CNGB1: variants seen among roughly 807,000 people sequenced by gnomAD.
CNGB1 encodes the protein cyclic nucleotide-gated channel beta-1.
Under a neutral mutation model 151.7 loss-of-function variants are expected in CNGB1, and 126 were observed. The observed-to-expected ratio is 0.83, with a 90% CI of 0.72 to 0.96. CNGB1 has a LOEUF of 0.96. Ranked by LOEUF, CNGB1 falls within the 40% of genes least tolerant of loss-of-function variation. The pLI, the probability that CNGB1 is intolerant of heterozygous loss-of-function variation, is 0.00. For synonymous variants in CNGB1, 623 were observed against 635.1 expected, an observed-to-expected ratio of 0.98 and a Z score of 0.29; for missense variants, 1,698 against 1,627.0, an observed-to-expected ratio of 1.04 and a Z score of -0.75.
At position 57,920,383 on chromosome 16, in the gene CNGB1, T is replaced by C. The variant is rs754623200; in HGVS notation, c.1801+4A>G. ...AGGTAGACCCCCTCCAGCTCCAGAC[T>C]CACAGGGCTTGGGGCTCTCCTCATC... On this transcript the variant is annotated splice_donor_region_variant and intron_variant, in intron 19 of 32. Transcript: ENST00000251102. The C allele has an allele frequency of 6.2e-7, 1 of 1,614,048 alleles. No individual in the cohort carries two copies. Among genetic ancestry groups the C allele is most frequent in the South Asian group, 1.1e-5 (1 of 91,078 alleles).
intron 16 of CNGB1, among the ~76,000 whole-genome samples, chr16:57,933,524 T>C (rs1338062993): frequency 6.6e-6 from 1 of 151,986 alleles, no homozygotes; most frequent in Non-Finnish European, 1.5e-5. Flanking sequence ...CTGCCCCAAG[T>C]CCAAGCTCAG....
Position 57,963,067 on chromosome 16 carries a change from G to A in CNGB1, c.291-3C>T. 1 of 1,609,088 alleles carries A rather than the reference G, an allele frequency of 6.2e-7. No individual in the cohort carries two copies. The highest frequency in any genetic ancestry group is 8.5e-7 in the Non-Finnish European group (1 of 1,177,034). On this transcript the variant is annotated splice_polypyrimidine_tract_variant and splice_region_variant and intron_variant, in intron 4 of 32. Transcript: ENST00000251102. ...AGGTCAGTACCCTGCGGCTGGGACT[G>A]CGATGGACAGAGACACCAGCCCGCC...
At chr16:57,970,964 A>T (rs1410391373) in intron 1 of CNGB1, 96 bp downstream of exon 1, 2 of 152,146 alleles carry the variant, frequency 1.3e-5, no homozygotes, top group East Asian at 3.9e-4. Flanking sequence ...CAGGTTTCCC[A>T]CCGTGCCAGT....
chr16:57,912,909 C>T (rs1337927491), intron 24 of CNGB1, 21 bp downstream of exon 24: 1 of 1,610,092 alleles, frequency 6.2e-7, no homozygotes, highest in African/African-American at 1.3e-5. Context: ...TGCATGCATG[C>T]ACATGCAGGG....
rs760874746 is a variant in CNGB1 at position 57,964,540 on chromosome 16, G to C, written c.164C>G (p.Pro55Arg). 1.9e-6 allele frequency: 3 copies of C among 1,614,122 alleles called. No individual in the cohort carries two copies. The highest frequency in any genetic ancestry group is 4.5e-5 in the East Asian group (2 of 44,876). Reference protein sequence around the residue: ...EAETESESMPPEESFKEEEVA... With the variant: ...EAETESESMPREESFKEEEVA... ...TTCCTCCTCCTTGAATGACTCTTCG[G>C]GGGGCTAGAGGGTTCGAACAGGATC... Residue 55 changes from proline (P) to arginine (R), a missense_variant, in exon 3 of 33, where the codon CCC (proline) becomes CGC (arginine). Transcript: ENST00000251102.
intron 25 of CNGB1, among the ~76,000 whole-genome samples, chr16:57,910,579 G>A (rs367793148): frequency 2.6e-5 from 4 of 151,716 alleles, no homozygotes; most frequent in African/African-American, 4.8e-5. Context: ...TCGCTGTGTC[G>A]GCCAGGCTGG....
At chr16:57,945,885 G>A (rs1961794440) in intron 14 of CNGB1, among the ~76,000 whole-genome samples, 1 of 152,224 alleles carries the variant, frequency 6.6e-6, no homozygotes, top group African/African-American at 2.4e-5. Context: ...GTGATCTGCA[G>A]GGTTATGAAA....
intron 31 of CNGB1, among the ~76,000 whole-genome samples, chr16:57,894,824 G>A (rs1204322555): frequency 1.3e-5 from 2 of 152,082 alleles, no homozygotes; most frequent in Non-Finnish European, 2.9e-5. Context: ...ACAAGAAAAA[G>A]TCAACAAAGA....
intron 14 of CNGB1, among the ~76,000 whole-genome samples, chr16:57,945,734 A>G (rs1374449061): frequency 6.6e-6 from 1 of 152,210 alleles, no homozygotes; most frequent in East Asian, 1.9e-4. Flanking sequence ...CAGTTCTCTC[A>G]TCTGTGAAAT....
At chr16:57,926,054 G>T (rs1961178790) in intron 17 of CNGB1, among the ~76,000 whole-genome samples, 1 of 152,174 alleles carries the variant, frequency 6.6e-6, no homozygotes, top group African/African-American at 2.4e-5. Flanking sequence ...CACAGGCAGG[G>T]AGCTTCACCT....
At chr16:57,897,365 A>G in intron 31 of CNGB1, 32 bp downstream of exon 31, 1 of 1,613,386 alleles carries the variant, frequency 6.2e-7, no homozygotes, top group Non-Finnish European at 8.5e-7. Context: ...GTCCTTAGCA[A>G]TTTTTTATTA....
At chr16:57,889,109 T>C (rs1478538223) in intron 31 of CNGB1, among the ~76,000 whole-genome samples, 1 of 152,094 alleles carries the variant, frequency 6.6e-6, no homozygotes, top group Non-Finnish European at 1.5e-5. Flanking sequence ...TCACACAGGA[T>C]TGTGATCTCT....
chr16:57,914,493 T>C (rs1208458909), intron 23 of CNGB1, among the ~76,000 whole-genome samples: 1 of 152,260 alleles, frequency 6.6e-6, no homozygotes, highest in Non-Finnish European at 1.5e-5. Context: ...TTATTGCATT[T>C]GCATTTTTTG....
chr16:57,919,040 C>T, intron 20 of CNGB1, 59 bp downstream of exon 20: 1 of 1,612,966 alleles, frequency 6.2e-7, no homozygotes, highest in Non-Finnish European at 8.5e-7. Flanking sequence ...CCCCATCCCG[C>T]TCCAACTCTC....
intron 27 of CNGB1, among the ~76,000 whole-genome samples, chr16:57,902,198 G>A (rs1960410243): frequency 2.0e-5 from 3 of 151,696 alleles, no homozygotes; most frequent in Non-Finnish European, 1.5e-5. Context: ...AGCTTCCCGA[G>A]TTGCTGGGAC....
chr16:57,912,935 C>T lies in CNGB1; in HGVS notation c.2364G>A (p.Val788=). The part of the protein sequence containing the change: ...RLESILSKAY[V]YRVIRTTAYL... ...ACATGCAGGGGGAGTCTCACCTGTA[C>T]ACGTAGGCTTTGCTGAGGATGGATT... Residue 788 remains valine (V), a synonymous_variant, in exon 24 of 33, where the codon GTG becomes GTA. Transcript: ENST00000251102. The T allele has an allele frequency of 6.2e-7, 1 of 1,613,860 alleles. No individual in the cohort carries two copies. Among genetic ancestry groups the T allele is most frequent in the Non-Finnish European group, 8.5e-7 (1 of 1,179,848 alleles).
chr16:57,951,408 T>C (rs943048641), intron 12 of CNGB1, among the ~76,000 whole-genome samples: 2 of 152,104 alleles, frequency 1.3e-5, no homozygotes, highest in South Asian at 4.2e-4. Context: ...CTGGAGCGCA[T>C]TAGTGCAATT....
In CNGB1 at chr16:57,967,256, G is replaced by A. The variant is rs752349971; in HGVS notation, c.31C>T (p.Gln11Ter). 1 of 1,614,210 alleles carries A rather than the reference G, an allele frequency of 6.2e-7. No individual in the cohort carries two copies. The highest frequency in any genetic ancestry group is 1.1e-5 in the South Asian group (1 of 91,084). The change falls in exon 2 of 33, where the codon CAG becomes TAG. Residue 11 changes from glutamine to a stop codon, truncating the protein, a stop_gained. Coordinates refer to ENST00000251102, the MANE Select transcript of CNGB1 (RefSeq NM_001297.5). LOFTEE classifies it high-confidence loss of function. MLGWVQRVLP[Q>*]PPGTPRKTKM... The stretch of plus-strand genomic sequence containing the variant: ...GTCTTCCGAGGGGTCCCTGGGGGCT[G>A]AGGCAGCACCCTCTGGACCCAGCCC...
chr16:57,939,665 A>G lies in CNGB1; in HGVS notation c.1210-73T>C. ...CCCTAGTCTCAGCAGCTCCTGTTAG[A>G]TCTGCCTTCAGAAGTCCACATGGGC... On this transcript the variant is annotated intron_variant, in intron 15 of 32. Coordinates refer to ENST00000251102, the MANE Select transcript of CNGB1 (RefSeq NM_001297.5). The G allele has an allele frequency of 5.0e-6, 8 of 1,599,896 alleles. No homozygotes were observed. In the South Asian group the frequency reaches 7.7e-5, roughly 15 times the overall value.
Sources: gnomAD v4.1 joint callset for allele counts (sites outside exome capture counted in the v4.1 genomes callset) on GRCh38, gnomAD v4.1.1 for gene constraint, MANE v1.5 for transcripts, NCBI Gene and HGNC (gene_info 2026-07-23, HGNC 2026-07-21) for gene names.